Variants in CSPP1 observed in about 807,000 individuals in gnomAD.
The protein encoded by CSPP1 is centrosome and spindle pole associated protein 1, also known as centrosome and spindle pole-associated protein 1.
In CSPP1, 126 loss-of-function variants were observed where a neutral mutation model predicts 164.4. The observed-to-expected ratio is 0.77, with a 90% CI of 0.66 to 0.89. The LOEUF is 0.89. CSPP1 is among the 40% of genes least tolerant of loss of function. CSPP1 has a pLI of 0.00. For missense variants in CSPP1, 1,395 were observed against 1,449.8 expected, an observed-to-expected ratio of 0.96 and a Z score of 0.61; for synonymous variants, 472 against 476.7, an observed-to-expected ratio of 0.99 and a Z score of 0.13.
In CSPP1 at chr8:67,118,884, C is replaced by T; in HGVS notation, c.1697+63C>T. On this transcript the variant is annotated intron_variant, in intron 15 of 30. Transcript: ENST00000678616. The stretch of plus-strand genomic sequence containing the variant: ...TTTATTTTGTTAAGATACACATAAC[C>T]TAAAAGCCACCATCCTAACATTTTA... The T allele has an allele frequency of 3.8e-6, 4 of 1,064,410 alleles. No homozygotes were observed. The South Asian group carries it at 5.2e-5, about 14-fold the overall frequency. The allele number at this position is 1,064,410 out of a possible 1,614,324, so 65.9% of individuals were successfully genotyped here.
intron 28 of CSPP1, among the ~76,000 whole-genome samples, chr8:67,184,100 G>A (rs1481279937): frequency 1.3e-5 from 2 of 152,038 alleles, no homozygotes; most frequent in African/African-American, 4.8e-5. Context: ...TGATCCCCCG[G>A]CCTTGGCCTC....
chr8:67,139,215 T>C (rs1362647974), intron 17 of CSPP1, among the ~76,000 whole-genome samples: 1 of 152,154 alleles, frequency 6.6e-6, no homozygotes, highest in East Asian at 1.9e-4. Flanking sequence ...ACGAAGACAT[T>C]TATGCAACCA....
chr8:67,122,444 G>T (rs552887256), intron 15 of CSPP1, among the ~76,000 whole-genome samples: 1 of 151,994 alleles, frequency 6.6e-6, no homozygotes, highest in East Asian at 1.9e-4. Context: ...CACTTTCATT[G>T]CTCTCAAAAT....
intron 25 of CSPP1, 112 bp from the exon 26 acceptor site, chr8:67,175,184 T>C: frequency 1.3e-6 from 1 of 767,442 alleles, no homozygotes; most frequent in Non-Finnish European, 2.2e-6. Flanking sequence ...ACTATTTCTA[T>C]CATTTCCTTG....
chr8:67,095,677 T>C lies in CSPP1; in HGVS notation c.868T>C (p.Phe290Leu). Residue 290 changes from phenylalanine to leucine, a missense_variant, in exon 7 of 31, where the codon TTT becomes CTT. Coordinates refer to ENST00000678616, the MANE Select transcript of CSPP1 (RefSeq NM_001382391.1). ...AGTAAGTGAAGAAATGGATGAGAGG[T>C]TTAGATATGAAAGTGATTTTGATAG... ...PEVSEEMDER[F>L]RYESDFDRRL... 2 of 1,610,566 alleles carry C rather than the reference T, an allele frequency of 1.2e-6. No homozygotes were observed. Among genetic ancestry groups the C allele is most frequent in the South Asian group, 2.2e-5 (2 of 90,132 alleles).
chr8:67,103,503 T>C (rs1383507456), intron 8 of CSPP1, among the ~76,000 whole-genome samples: 11 of 151,840 alleles, frequency 7.2e-5, no homozygotes, highest in Admixed American at 7.2e-4. Context: ...TGGAAATAAA[T>C]TGAAAATGTG....
chr8:67,173,236 G>A (rs1440365822), intron 25 of CSPP1, among the ~76,000 whole-genome samples: 1 of 152,142 alleles, frequency 6.6e-6, no homozygotes, highest in Non-Finnish European at 1.5e-5. Context: ...GAGGGAGAGT[G>A]ATTGTTGAAG....
chr8:67,185,115 AAAC>A (rs1232254273), intron 28 of CSPP1, among the ~76,000 whole-genome samples: 4 of 149,966 alleles, frequency 2.7e-5, no homozygotes, highest in South Asian at 2.1e-4. Context: ...AAAAAAAAAA[AAAC>A]AAAAACAAAC....
intron 23 of CSPP1, 87 bp downstream of exon 23, chr8:67,163,885 C>A: frequency 1.8e-6 from 2 of 1,103,580 alleles, no homozygotes; most frequent in Non-Finnish European, 2.7e-6. Flanking sequence ...TAGAAAATTG[C>A]AGAAACAGTA....
At chr8:67,190,617 TAA>T (rs1335368326) in intron 28 of CSPP1, 31 bp from the exon 29 acceptor site, 16 of 1,505,830 alleles carry the variant, frequency 1.1e-5, no homozygotes, top group Non-Finnish European at 1.5e-5. Context: ...GAAGCAGTAT[TAA>T]GACTCCTTCT....
rs1830674080 is a variant in CSPP1 at position 67,172,514 on chromosome 8, C to G, written c.2927C>G (p.Thr976Ser). 1 of 1,613,690 alleles carries G rather than the reference C, an allele frequency of 6.2e-7. No individual in the cohort carries two copies. The highest frequency in any genetic ancestry group is 8.5e-7 in the Non-Finnish European group (1 of 1,179,734). ...TCCCCTAAGGGCTTAGACGCTGCCA[C>G]TTTTCAGAATGTTCATGATTTTAAT... ...RQSPKGLDAA[T>S]FQNVHDFNEL... The change falls in exon 25 of 31, where the codon ACT becomes AGT. Residue 976 changes from threonine to serine, a missense_variant. Coordinates refer to ENST00000678616, the MANE Select transcript of CSPP1 (RefSeq NM_001382391.1).
At chr8:67,148,062 G>C (rs931596995) in intron 17 of CSPP1, among the ~76,000 whole-genome samples, 3 of 151,482 alleles carry the variant, frequency 2.0e-5, no homozygotes, top group Non-Finnish European at 4.4e-5. Context: ...GGGACTACAG[G>C]TACATGCCAT....
In CSPP1 at chr8:67,149,936, G is replaced by A. The variant is rs199791452; in HGVS notation, c.2128+1G>A. 1.3e-4 allele frequency: 191 copies of A among 1,478,340 alleles called. No homozygotes were observed. Among genetic ancestry groups the A allele is most frequent in the Non-Finnish European group, 1.6e-4 (178 of 1,113,414 alleles). 91.6% of individuals were successfully genotyped at this position (1,478,340 alleles called of 1,614,324 possible). On this transcript the variant is annotated splice_donor_variant, in intron 18 of 30. Coordinates refer to ENST00000678616, the MANE Select transcript of CSPP1 (RefSeq NM_001382391.1). LOFTEE classifies it high-confidence loss of function. ...GAAGATGCTGCAAATAAAAGCTCAG[G>A]TTTTTAATCACTTTTTTTTTTTTTT...
chr8:67,193,581 C>T lies in CSPP1; in HGVS notation c.3448C>T (p.His1150Tyr). Residue 1150 changes from histidine to tyrosine, a missense_variant, in exon 30 of 31, where the codon CAC (histidine) becomes TAC (tyrosine). Physicochemically the swap from His to Tyr is moderately conservative, Grantham distance 83. Coordinates refer to ENST00000678616, the MANE Select transcript of CSPP1 (RefSeq NM_001382391.1). ...ACGAATGCGAAGACTGAATGAATTT[C>T]ACAATAAACCTATTAATACAGGTAA... ...EERMRRLNEF[H>Y]NKPINTDDES... 2 of 1,613,538 alleles carry T rather than the reference C, an allele frequency of 1.2e-6. No homozygotes were observed.
chr8:67,161,939 T>A, intron 22 of CSPP1, 24 bp downstream of exon 22: 1 of 1,436,574 alleles, frequency 7.0e-7, no homozygotes, highest in Non-Finnish European at 9.8e-7. Context: ...TTTTTATTTG[T>A]TCATCCTAGC....
chr8:67,113,735 T>C, intron 10 of CSPP1, 70 bp from the exon 11 acceptor site: 3 of 781,560 alleles, frequency 3.8e-6, no homozygotes, highest in East Asian at 5.5e-5. Flanking sequence ...ATAAGCTTCT[T>C]TCAGTGATGA....
At chr8:67,195,249 A>G (rs889410058) in intron 30 of CSPP1, 133 bp from the exon 31 acceptor site, 6 of 724,834 alleles carry the variant, frequency 8.3e-6, no homozygotes, top group African/African-American at 3.5e-5. Flanking sequence ...CAAAACAAAC[A>G]AACAGTAGAG....
chr8:67,151,807 T>C (rs1245691510), intron 18 of CSPP1, among the ~76,000 whole-genome samples: 1 of 152,100 alleles, frequency 6.6e-6, no homozygotes, highest in Non-Finnish European at 1.5e-5. Flanking sequence ...ATGAATTAAT[T>C]GGCTGGGTGC....
At chr8:67,184,072 C>T (rs1833747174) in intron 28 of CSPP1, among the ~76,000 whole-genome samples, 1 of 151,912 alleles carries the variant, frequency 6.6e-6, no homozygotes, top group Admixed American at 6.6e-5. Flanking sequence ...AGGCTGGTCT[C>T]GAACTCCTGA....
Sources: gnomAD v4.1 joint callset for allele counts (sites outside exome capture counted in the v4.1 genomes callset) on GRCh38, gnomAD v4.1.1 for gene constraint, MANE v1.5 for transcripts, NCBI Gene and HGNC (gene_info 2026-07-23, HGNC 2026-07-21) for gene names.